The following SYNE1 variants were observed in gnomAD, a reference collection of about 807,000 sequenced individuals.
The protein encoded by SYNE1 is spectrin repeat containing nuclear envelope protein 1, also known as nesprin-1.
SYNE1 carries 616 observed loss-of-function variants against 1,111.0 expected under a neutral mutation model. That is an observed-to-expected ratio of 0.55 (90% CI 0.52 to 0.59). SYNE1 has a LOEUF of 0.59. Among genes scored for constraint, SYNE1 ranks in the 20% least tolerant of loss-of-function variants. The pLI is 0.00. For missense variants in SYNE1, 10,006 were observed against 10,417.0 expected (o/e 0.96, Z 1.72); for synonymous variants, 3,855 against 3,825.8 (o/e 1.01, Z -0.28).
At position 152,244,525 on chromosome 6, in the gene SYNE1, T is replaced by G; in HGVS notation, c.19692+12A>C. On this transcript the variant is annotated intron_variant, in intron 106 of 145. Coordinates refer to ENST00000367255, the MANE Select transcript of SYNE1 (RefSeq NM_182961.4). Reference sequence around the variant, plus strand: ...ACCCCTGCAGCTGAATACTACTGGCTGAAGGCTGCACCTGGAGCTTGGAGA... The same window carrying G: ...ACCCCTGCAGCTGAATACTACTGGCGGAAGGCTGCACCTGGAGCTTGGAGA... 3 of 1,614,018 alleles carry G rather than the reference T, an allele frequency of 1.9e-6. No homozygotes were observed. Among genetic ancestry groups the G allele is most frequent in the Non-Finnish European group, 2.5e-6 (3 of 1,179,898 alleles).
intron 101 of SYNE1, among the ~76,000 whole-genome samples, chr6:152,257,633 CAGAA>C (rs2091143650): frequency 1.3e-5 from 2 of 151,994 alleles, no homozygotes; most frequent in South Asian, 4.2e-4. Flanking sequence ...AAATTAGAAA[CAGAA>C]AGGATGAGAA....
intron 2 of SYNE1, among the ~76,000 whole-genome samples, chr6:152,635,090 C>T (rs1473347825): frequency 3.3e-5 from 5 of 152,206 alleles, no homozygotes; most frequent in Non-Finnish European, 7.3e-5. Context: ...AGAAAGTAGG[C>T]CCAGTGCAGC....
intron 138 of SYNE1, among the ~76,000 whole-genome samples, chr6:152,142,607 C>A (rs2058733042): frequency 6.6e-6 from 1 of 152,254 alleles, no homozygotes; most frequent in South Asian, 2.1e-4. Flanking sequence ...AATCACAATG[C>A]CAGTAGGACT....
intron 6 of SYNE1, among the ~76,000 whole-genome samples, chr6:152,518,143 A>G (rs2099121600): frequency 2.0e-5 from 3 of 151,486 alleles, no homozygotes; most frequent in South Asian, 2.1e-4. Context: ...TGCTAAAGAC[A>G]AAAAGAACTA....
At chr6:152,405,560 A>T (rs1191088463) in intron 45 of SYNE1, among the ~76,000 whole-genome samples, 1 of 152,250 alleles carries the variant, frequency 6.6e-6, no homozygotes, top group Admixed American at 6.5e-5. Flanking sequence ...TTTGAATTCA[A>T]TGGAACTTAT....
Position 152,214,826 on chromosome 6 carries a change from C to T in SYNE1, c.22346+80G>A. On this transcript the variant is annotated intron_variant, in intron 122 of 145. Coordinates refer to ENST00000367255, the MANE Select transcript of SYNE1 (RefSeq NM_182961.4). Reference sequence around the variant, plus strand: ...ACATTTCTGTTCTTTATAAATTATGCATTCTGTAGTATTTTGACATAGCGG... The same window carrying T: ...ACATTTCTGTTCTTTATAAATTATGTATTCTGTAGTATTTTGACATAGCGG... 1.9e-6 allele frequency: 3 copies of T among 1,543,368 alleles called. No homozygotes were observed. In the South Asian group the frequency reaches 3.4e-5, roughly 17 times the overall value.
At chr6:152,240,338 C>T (rs1313764726) in intron 107 of SYNE1, among the ~76,000 whole-genome samples, 2 of 152,194 alleles carry the variant, frequency 1.3e-5, no homozygotes, top group Non-Finnish European at 2.9e-5. Flanking sequence ...GCTTTCCTTC[C>T]TCCATGGCTG....
chr6:152,224,811 TA>T, intron 116 of SYNE1, 147 bp from the exon 117 acceptor site: 1 of 829,052 alleles, frequency 1.2e-6, no homozygotes, highest in South Asian at 1.8e-5. Context: ...GAAAAAGATT[TA>T]AAAGGTAAAA....
chr6:152,231,638 T>C (rs1323991720), intron 113 of SYNE1, 71 bp from the exon 114 acceptor site: 6 of 1,453,700 alleles, frequency 4.1e-6, no homozygotes, highest in African/African-American at 1.4e-5. Context: ...TTGGAAAGCC[T>C]TAAGTAACCT....
At chr6:152,601,337 T>G (rs1267051450) in intron 3 of SYNE1, among the ~76,000 whole-genome samples, 1 of 152,154 alleles carries the variant, frequency 6.6e-6, no homozygotes. Flanking sequence ...TTAATTTAAT[T>G]GAAGAAATTG....
At chr6:152,235,959 T>C in intron 110 of SYNE1, 148 bp downstream of exon 110, 1 of 808,220 alleles carries the variant, frequency 1.2e-6, no homozygotes. Context: ...CCCAGGCTGG[T>C]CTTGAACTCC....
At chr6:152,153,930 A>G (rs2060891206) in intron 133 of SYNE1, among the ~76,000 whole-genome samples, 1 of 152,234 alleles carries the variant, frequency 6.6e-6, no homozygotes, top group Admixed American at 6.5e-5. Context: ...TTCCCATCAT[A>G]GGCCTCAGAA....
chr6:152,143,596 C>G (rs755144749), intron 138 of SYNE1, 27 bp downstream of exon 138: 5 of 1,613,856 alleles, frequency 3.1e-6, no homozygotes, highest in African/African-American at 1.3e-5. Context: ...TCGCACAGGT[C>G]GGAATCAGGA....
chr6:152,491,309 T>A (rs1051255926), intron 11 of SYNE1, among the ~76,000 whole-genome samples: 3 of 152,088 alleles, frequency 2.0e-5, no homozygotes, highest in African/African-American at 7.2e-5. Context: ...TCACCCACAT[T>A]CCCTTGGTGG....
intron 30 of SYNE1, 108 bp from the exon 31 acceptor site, chr6:152,442,353 G>A: frequency 1.5e-6 from 2 of 1,304,910 alleles, no homozygotes; most frequent in Non-Finnish European, 2.2e-6. Context: ...GGCCCGAAAT[G>A]TATTTTAAAG....
chr6:152,122,087 TGCCC>T lies in SYNE1; in HGVS notation c.*345_*348del. On this transcript the variant is annotated 3_prime_UTR_variant, in exon 146 of 146. Transcript: ENST00000367255. ...GGTTGGAGCAGCACCATGGGAAAGC[TGCCC>T]AGATGGTCTACTGAAGTCCTTGGCT... is the stretch of plus-strand genomic sequence containing the variant. 1.1e-5 allele frequency: 4 copies of T among 360,478 alleles called. No homozygotes were observed. Among genetic ancestry groups the T allele is most frequent in the East Asian group, 6.5e-5 (1 of 15,426 alleles). The allele number at this position is 360,478 out of a possible 1,614,324, so 22.3% of individuals were successfully genotyped here. A position where few individuals can be genotyped will look rare whatever the true frequency, so the allele number is the denominator to read the frequency against.
chr6:152,317,816 C>A (rs1352363841), intron 86 of SYNE1, among the ~76,000 whole-genome samples: 1 of 152,166 alleles, frequency 6.6e-6, no homozygotes, highest in East Asian at 1.9e-4. Flanking sequence ...CAAAATACTT[C>A]TCCATTTTAC....
chr6:152,225,303 G>GCA (rs71268493), intron 116 of SYNE1, among the ~76,000 whole-genome samples: 20,012 of 109,558 alleles, frequency 0.18, 1,804 homozygotes, highest in African/African-American at 0.33. Context: ...ACACACACAC[G>GCA]CACACACACA....
chr6:152,590,760 G>A (rs1441606403), intron 3 of SYNE1, among the ~76,000 whole-genome samples: 1 of 152,116 alleles, frequency 6.6e-6, no homozygotes, highest in Non-Finnish European at 1.5e-5. Flanking sequence ...GCCTGCCAAT[G>A]GACAATCTAA....
Sources: gnomAD v4.1 joint callset for allele counts (sites outside exome capture counted in the v4.1 genomes callset) on GRCh38, gnomAD v4.1.1 for gene constraint, MANE v1.5 for transcripts, NCBI Gene and HGNC (gene_info 2026-07-23, HGNC 2026-07-21) for gene names.